Variants in TLR6 observed in about 807,000 individuals in gnomAD.
TLR6 encodes the protein toll-like receptor 6.
Under a neutral mutation model 16.1 loss-of-function variants are expected in TLR6, and 9 were observed. The observed-to-expected ratio is 0.56, with a 90% CI of 0.34 to 0.98. The LOEUF is 0.98. Ranked by LOEUF, TLR6 falls within the 50% of genes least tolerant of loss-of-function variation. TLR6 has a pLI of 0.02. For missense variants in TLR6, 786 were observed against 921.0 expected, an observed-to-expected ratio of 0.85 and a Z score of 1.90; for synonymous variants, 340 against 338.6, an observed-to-expected ratio of 1.00 and a Z score of -0.04.
intron 1 of TLR6, among the ~76,000 whole-genome samples, chr4:38,845,768 G>T (rs6849400): frequency 6.6e-6 from 1 of 152,008 alleles, no homozygotes; most frequent in African/African-American, 2.4e-5. Context: ...CAACGTTTGT[G>T]GTAATTTGTT....
chr4:38,824,660 C>T (rs1197415842), exon 2 of TLR6: 3 of 152,038 alleles, frequency 2.0e-5, no homozygotes, highest in African/African-American at 4.8e-5. Flanking sequence ...AAGAATGTGC[C>T]GTTTGGGATA....
the TLR6 span, among the ~76,000 whole-genome samples, chr4:38,867,318 T>A: frequency 1.3e-5 from 2 of 152,186 alleles, no homozygotes; most frequent in East Asian, 3.9e-4. Flanking sequence ...AGCTAATACA[T>A]CGGAGTTTTA....
At chr4:38,856,020 G>T (rs189853340) in intron 1 of TLR6, among the ~76,000 whole-genome samples, 6 of 152,242 alleles carry the variant, frequency 3.9e-5, no homozygotes, top group African/African-American at 1.2e-4. Context: ...AAAATTAAGT[G>T]AAATAAGTGG....
At chr4:38,832,050 A>G (rs548608944) in intron 1 of TLR6, among the ~76,000 whole-genome samples, 1 of 152,342 alleles carries the variant, frequency 6.6e-6, no homozygotes, top group Admixed American at 6.5e-5. Flanking sequence ...CTCCATGTGG[A>G]TGTTTATAGA....
chr4:38,828,962 A>C, exon 2 of TLR6: 1 of 1,613,546 alleles, frequency 6.2e-7, no homozygotes. Flanking sequence ...GATATAACTT[A>C]GATGCAAGTG....
chr4:38,840,862 G>A (rs1170012295), intron 1 of TLR6, among the ~76,000 whole-genome samples: 6 of 152,116 alleles, frequency 3.9e-5, no homozygotes, highest in African/African-American at 7.2e-5. Flanking sequence ...GTGCCACATC[G>A]AAAATAAATG....
chr4:38,828,510 T>C (rs1727664109), exon 2 of TLR6: 1 of 1,614,040 alleles, frequency 6.2e-7, no homozygotes, highest in African/African-American at 1.3e-5. Flanking sequence ...TACAAAGCTG[T>C]CTGTGAAAAC....
intron 1 of TLR6, among the ~76,000 whole-genome samples, chr4:38,837,919 T>C (rs975849103): frequency 6.6e-6 from 1 of 151,946 alleles, no homozygotes; most frequent in South Asian, 2.1e-4. Flanking sequence ...AATAATCCTA[T>C]GAAAAAGTAG....
At chr4:38,860,515 C>A (rs1713172230), upstream of TLR6, among the ~76,000 whole-genome samples, 1 of 141,558 alleles carries the variant, frequency 7.1e-6, no homozygotes. Flanking sequence ...TGATAGTAAA[C>A]CTAAACTTCT....
At position 38,827,253 on chromosome 4, in the gene TLR6, G is replaced by A. The variant is rs1337469267; in HGVS notation, c.2221C>T (p.Gln741Ter). 1 of 1,614,172 alleles carries A rather than the reference G, an allele frequency of 6.2e-7. No homozygotes were observed. ...TGGTACTTGTTGGGAATGCTGTTCT[G>A]TGGAATGGGTTCCAGTAAGATGAGG... Residue 741 changes from glutamine (Q) to a stop codon, truncating the protein, a stop_gained, in exon 2 of 2, where the codon CAG becomes TAG. Transcript: ENST00000436693. LOFTEE classifies it high-confidence loss of function.
chr4:38,834,444 A>G (rs1711796969), intron 1 of TLR6, among the ~76,000 whole-genome samples: 2 of 151,792 alleles, frequency 1.3e-5, no homozygotes, highest in South Asian at 2.1e-4. Flanking sequence ...CAGAAGCAGA[A>G]GAGATGAGCA....
At chr4:38,849,244 C>A (rs1215528900) in intron 1 of TLR6, among the ~76,000 whole-genome samples, 6 of 152,110 alleles carry the variant, frequency 3.9e-5, no homozygotes, top group African/African-American at 1.4e-4. Context: ...ATTTTGTCAC[C>A]ACCAGGCCTG....
upstream of TLR6, among the ~76,000 whole-genome samples, chr4:38,858,751 G>T: frequency 1.5e-5 from 1 of 65,854 alleles, no homozygotes; most frequent in Middle Eastern, 8.9e-3. Flanking sequence ...AAGAGAGAGA[G>T]AGAGAGGGAG....
At chr4:38,861,188 G>A (rs73811237), upstream of TLR6, among the ~76,000 whole-genome samples, 4,676 of 151,802 alleles carry the variant, frequency 0.031, 206 homozygotes, top group African/African-American at 0.085. Context: ...ACTTCATCAA[G>A]TATTCTAGCA....
the TLR6 span, among the ~76,000 whole-genome samples, chr4:38,867,426 G>A: frequency 1.3e-5 from 2 of 152,222 alleles, no homozygotes; most frequent in Non-Finnish European, 1.5e-5. Flanking sequence ...GACAGGGCAA[G>A]GGAGTGCTGC....
intron 1 of TLR6, among the ~76,000 whole-genome samples, chr4:38,839,415 A>C (rs1411333457): frequency 6.6e-6 from 1 of 152,210 alleles, no homozygotes; most frequent in South Asian, 2.1e-4. Flanking sequence ...CTCAAAAAAT[A>C]GTTATTCTCT....
In TLR6 at chr4:38,827,201, C is replaced by CG; in HGVS notation, c.2272dup (p.Arg758ProfsTer19). On this transcript the variant is annotated frameshift_variant, in exon 2 of 2. Coordinates refer to ENST00000436693, the Ensembl canonical transcript of TLR6. LOFTEE classifies it high-confidence loss of function. ...CTCCTTGGGCCACTGCAAATAAGTC[C>CG]GCTGCGTCATGAGAGCCTTCAGCTT... 6.2e-7 allele frequency: 1 copy of CG among 1,614,122 alleles called. No individual in the cohort carries two copies. Among genetic ancestry groups the CG allele is most frequent in the South Asian group, 1.1e-5 (1 of 91,088 alleles).
At chr4:38,852,042 A>G (rs930296217) in intron 1 of TLR6, among the ~76,000 whole-genome samples, 3 of 152,324 alleles carry the variant, frequency 2.0e-5, no homozygotes, top group African/African-American at 7.2e-5. Context: ...ATATAGATCA[A>G]TGGAACAGAA....
At chr4:38,852,359 C>G (rs1375567600) in intron 1 of TLR6, among the ~76,000 whole-genome samples, 1 of 152,122 alleles carries the variant, frequency 6.6e-6, no homozygotes, top group Non-Finnish European at 1.5e-5. Context: ...GCAATGGCAA[C>G]AAAAGACAAA....
Sources: gnomAD v4.1 joint callset for allele counts (sites outside exome capture counted in the v4.1 genomes callset) on GRCh38, gnomAD v4.1.1 for gene constraint, MANE v1.5 for transcripts, NCBI Gene and HGNC (gene_info 2026-07-23, HGNC 2026-07-21) for gene names.